The following SH3PXD2A variants were observed in gnomAD, a reference collection of about 807,000 sequenced individuals.
SH3PXD2A encodes the protein SH3 and PX domains 2A.
A neutral mutation model predicts 115.2 loss-of-function variants in SH3PXD2A; 32 were observed. That is an observed-to-expected ratio of 0.28 (90% CI 0.21 to 0.37). The LOEUF (loss-of-function observed/expected upper bound fraction) is 0.37. SH3PXD2A is among the 10% of genes least tolerant of loss of function. SH3PXD2A has a pLI of 1.00. For synonymous variants in SH3PXD2A, 610 were observed against 629.1 expected, an observed-to-expected ratio of 0.97 and a Z score of 0.45; for missense variants, 1,328 against 1,498.7, an observed-to-expected ratio of 0.89 and a Z score of 1.88.
chr10:103,779,440 G>T (rs970108480), intron 2 of SH3PXD2A, among the ~76,000 whole-genome samples: 3 of 152,162 alleles, frequency 2.0e-5, no homozygotes, highest in Non-Finnish European at 4.4e-5. Context: ...TTGGTCCCTA[G>T]GAAGTGTGGG....
At position 103,623,271 on chromosome 10, in the gene SH3PXD2A, C is replaced by A. The variant is rs1383357041; in HGVS notation, c.719-718G>T. ...CATCGGGACATCTGATGACAGGGGC[C>A]CCCTCCCCAGCTTCTCACTGCTCCT... On this transcript the variant is annotated intron_variant, in intron 9 of 14. Transcript: ENST00000369774. Among the ~76,000 whole-genome samples, 4 of 150,758 alleles carry A rather than the reference C, an allele frequency of 2.7e-5. No individual in the cohort carries two copies. In the East Asian group the frequency reaches 7.7e-4, roughly 29 times the overall value.
intron 3 of SH3PXD2A, among the ~76,000 whole-genome samples, chr10:103,757,527 G>A (rs2038656059): frequency 6.6e-6 from 1 of 152,182 alleles, no homozygotes; most frequent in Non-Finnish European, 1.5e-5. Context: ...GAATGATTGG[G>A]AAGGCACATA....
intron 10 of SH3PXD2A, among the ~76,000 whole-genome samples, chr10:103,621,541 G>C (rs1457414434): frequency 2.0e-5 from 3 of 152,232 alleles, no homozygotes; most frequent in Admixed American, 6.5e-5. Flanking sequence ...CAAGCTGTGA[G>C]GGTGGGGGTC....
At chr10:103,817,704 G>A (rs1046489505) in intron 1 of SH3PXD2A, among the ~76,000 whole-genome samples, 1 of 152,170 alleles carries the variant, frequency 6.6e-6, no homozygotes, top group African/African-American at 2.4e-5. Flanking sequence ...TTGGTTTTCT[G>A]TTCCTGTGTT....
intron 6 of SH3PXD2A, among the ~76,000 whole-genome samples, chr10:103,691,013 C>T (rs912510679): frequency 6.6e-6 from 1 of 152,216 alleles, no homozygotes; most frequent in African/African-American, 2.4e-5. Flanking sequence ...CTGGGGGAGG[C>T]AGCCTGGGTG....
chr10:103,613,246 T>A, intron 11 of SH3PXD2A, 56 bp from the exon 12 acceptor site: 1 of 1,365,772 alleles, frequency 7.3e-7, no homozygotes, highest in Non-Finnish European at 1.0e-6. Flanking sequence ...CACAGCCCAC[T>A]CCCAGGCCCT....
intron 1 of SH3PXD2A, among the ~76,000 whole-genome samples, chr10:103,801,886 T>C (rs530639152): frequency 1.3e-5 from 2 of 152,318 alleles, no homozygotes; most frequent in East Asian, 3.9e-4. Context: ...GTATTTTTAG[T>C]AGAGACGGGG....
chr10:103,834,961 GGGAA>G (rs2134308614), intron 1 of SH3PXD2A, among the ~76,000 whole-genome samples: 1 of 152,274 alleles, frequency 6.6e-6, no homozygotes, highest in South Asian at 2.1e-4. Flanking sequence ...TTCTGGGCCT[GGGAA>G]TTTATTGCAG....
At chr10:103,676,740 C>T (rs908557881) in intron 6 of SH3PXD2A, among the ~76,000 whole-genome samples, 1 of 152,066 alleles carries the variant, frequency 6.6e-6, no homozygotes, top group Non-Finnish European at 1.5e-5. Context: ...CCTTGGGTTG[C>T]GGCCTCCCCC....
chr10:103,685,814 C>T (rs2037670528), intron 6 of SH3PXD2A, among the ~76,000 whole-genome samples: 1 of 152,188 alleles, frequency 6.6e-6, no homozygotes, highest in Non-Finnish European at 1.5e-5. Flanking sequence ...CTCCAGAGTC[C>T]ACGTTTTTAA....
chr10:103,627,673 A>C lies in SH3PXD2A; in HGVS notation c.605-471T>G, dbSNP rs1393756579. Among the ~76,000 whole-genome samples the C allele has an allele frequency of 6.6e-6, 1 of 152,222 alleles. No individual in the cohort carries two copies. The highest frequency in any genetic ancestry group is 2.4e-5 in the African/African-American group (1 of 41,460). ...GGTTGCCTTTTCCCCATCGCGGGTCAGCGGTACCTTCGCATTGGTGCCACT... is the reference window on the plus strand; with the variant it reads ...GGTTGCCTTTTCCCCATCGCGGGTCCGCGGTACCTTCGCATTGGTGCCACT... On this transcript the variant is annotated intron_variant, in intron 8 of 14. Coordinates refer to ENST00000369774, the MANE Select transcript of SH3PXD2A (RefSeq NM_001394015.1). This position sits in a 1 kb window ranked among gnomAD's most constrained non-coding sequence, Gnocchi z 4.4.
chr10:103,727,486 C>T (rs754520163), intron 4 of SH3PXD2A, among the ~76,000 whole-genome samples: 22 of 152,082 alleles, frequency 1.4e-4, no homozygotes, highest in African/African-American at 3.4e-4. Context: ...CCAGGGATCC[C>T]GGCTCTGTGC....
intron 2 of SH3PXD2A, among the ~76,000 whole-genome samples, chr10:103,772,962 G>T (rs2038842893): frequency 6.6e-6 from 1 of 152,180 alleles, no homozygotes. Context: ...GGTGGCTCAC[G>T]CCTGTAATCC....
intron 2 of SH3PXD2A, among the ~76,000 whole-genome samples, chr10:103,785,684 C>T (rs2038973873): frequency 1.3e-5 from 2 of 152,128 alleles, no homozygotes; most frequent in African/African-American, 4.8e-5. Flanking sequence ...GGAAAGCTGC[C>T]TCCCCATCCC....
intron 3 of SH3PXD2A, among the ~76,000 whole-genome samples, chr10:103,765,710 C>T (rs1201935976): frequency 6.6e-6 from 1 of 152,266 alleles, no homozygotes; most frequent in African/African-American, 2.4e-5. Context: ...CTTGTGCCCA[C>T]AGCATCCCAG....
At chr10:103,677,338 G>T (rs1351939205) in intron 6 of SH3PXD2A, among the ~76,000 whole-genome samples, 1 of 152,212 alleles carries the variant, frequency 6.6e-6, no homozygotes, top group African/African-American at 2.4e-5. Flanking sequence ...AGTCATGTAG[G>T]TTTGGGGAGA....
chr10:103,813,966 C>A (rs1290569468), intron 1 of SH3PXD2A, among the ~76,000 whole-genome samples: 3 of 143,126 alleles, frequency 2.1e-5, no homozygotes. Context: ...AACCACTAAG[C>A]TGAACCAACA....
In SH3PXD2A at chr10:103,595,018, C is replaced by A. The variant is rs1192757884; in HGVS notation, c.*6798G>T. ...TGAGCCATACAACTTGAGAGACTGG[C>A]TTTGGATTGGACAGTCAAAGGGAAG... On this transcript the variant is annotated 3_prime_UTR_variant, in exon 15 of 15. Coordinates refer to ENST00000369774, the MANE Select transcript of SH3PXD2A (RefSeq NM_001394015.1). 6.6e-6 allele frequency: 1 copy of A among 152,202 alleles called. No homozygotes were observed. Among genetic ancestry groups the A allele is most frequent in the Admixed American group, 6.5e-5 (1 of 15,278 alleles). The allele number at this position is 152,202 out of a possible 1,614,324, so 9.4% of individuals were successfully genotyped here. A position where few individuals can be genotyped will look rare whatever the true frequency, so the allele number is the denominator to read the frequency against.
chr10:103,681,771 C>T (rs557431558), intron 6 of SH3PXD2A, among the ~76,000 whole-genome samples: 202 of 152,186 alleles, frequency 1.3e-3, no homozygotes, highest in African/African-American at 4.5e-3. Flanking sequence ...CGCGCGCGCG[C>T]GCACACACAC....
Sources: allele counts gnomAD v4.1 joint callset (sites outside exome capture counted in the v4.1 genomes callset), GRCh38; gene constraint gnomAD v4.1.1; non-coding constraint Gnocchi (gnomAD v3.1); transcripts MANE v1.5; gene names NCBI Gene and HGNC (gene_info 2026-07-23, HGNC 2026-07-21).